KCNQ3: variants seen among roughly 807,000 people sequenced by gnomAD.
KCNQ3 encodes the protein potassium voltage-gated channel subfamily Q member 3.
A neutral mutation model predicts 92.5 loss-of-function variants in KCNQ3; 30 were observed. That is an observed-to-expected ratio of 0.32 (90% CI 0.24 to 0.44). The LOEUF is 0.44. Ranked by LOEUF, KCNQ3 falls within the 20% of genes least tolerant of loss-of-function variation. KCNQ3 has a pLI of 1.00. For synonymous variants in KCNQ3, 450 were observed against 468.8 expected (o/e 0.96, Z 0.52); for missense variants, 913 against 1,140.3 (o/e 0.80, Z 2.87).
At chr8:132,249,006 G>T (rs1815292399) in intron 1 of KCNQ3, among the ~76,000 whole-genome samples, 1 of 152,156 alleles carries the variant, frequency 6.6e-6, no homozygotes, top group African/African-American at 2.4e-5. Context: ...TCCGGAGTTT[G>T]TTCCTTCTGA....
chr8:132,280,209 G>A (rs61135443), intron 1 of KCNQ3, among the ~76,000 whole-genome samples: 2 of 152,146 alleles, frequency 1.3e-5, no homozygotes, highest in Non-Finnish European at 2.9e-5. Context: ...ATTGAAGGGG[G>A]TTAGCTACTT....
intron 1 of KCNQ3, among the ~76,000 whole-genome samples, chr8:132,394,869 G>A (rs1171655064): frequency 6.6e-6 from 1 of 152,222 alleles, no homozygotes; most frequent in Middle Eastern, 3.2e-3. Flanking sequence ...TGGATATCCT[G>A]AGAAGATGAA....
intron 1 of KCNQ3, among the ~76,000 whole-genome samples, chr8:132,408,618 A>G (rs2130794234): frequency 6.6e-6 from 1 of 152,286 alleles, no homozygotes; most frequent in South Asian, 2.1e-4. Context: ...GGCCAAAAGG[A>G]TTTTGCAAAT....
At chr8:132,352,909 G>A (rs1307332043) in intron 1 of KCNQ3, among the ~76,000 whole-genome samples, 1 of 152,134 alleles carries the variant, frequency 6.6e-6, no homozygotes, top group Non-Finnish European at 1.5e-5. Flanking sequence ...GATGTCCCAG[G>A]AAGGCTGGTT....
intron 1 of KCNQ3, among the ~76,000 whole-genome samples, chr8:132,238,935 A>G (rs1045946855): frequency 5.3e-5 from 8 of 152,242 alleles, no homozygotes; most frequent in Admixed American, 5.2e-4. Context: ...CTGTAAGTGT[A>G]AACAACCGTG....
Position 132,276,560 on chromosome 8 carries a change from A to G in KCNQ3, c.387-90379T>C, listed in dbSNP as rs139516674. Among the ~76,000 whole-genome samples the G allele has an allele frequency of 5.2e-3, 791 of 152,300 alleles. 20 individuals carry two copies. Among genetic ancestry groups the G allele is most frequent in the Admixed American group, 0.036 (558 of 15,296 alleles). Reference sequence around the variant, plus strand: ...AAGGCAGCCCATTCTAATTCCAGGCAGCGATGGGTATTTAAAACTACTTCC... The same window carrying G: ...AAGGCAGCCCATTCTAATTCCAGGCGGCGATGGGTATTTAAAACTACTTCC... On this transcript the variant is annotated intron_variant, in intron 1 of 14. Transcript: ENST00000388996.
In KCNQ3 at chr8:132,133,354, C is replaced by T. The variant is rs866509724; in HGVS notation, c.1799+936G>A. On this transcript the variant is annotated intron_variant, in intron 13 of 14. Coordinates refer to ENST00000388996, the MANE Select transcript of KCNQ3 (RefSeq NM_004519.4). ...TATCATCACGTTAATGCTCTCGATTCTTTTTTTTTTTTTTTTTTTTGAGAT... is the reference window on the plus strand; with the variant it reads ...TATCATCACGTTAATGCTCTCGATTTTTTTTTTTTTTTTTTTTTTTGAGAT... 5.9e-4 allele frequency among the ~76,000 whole-genome samples: 61 copies of T among 103,432 alleles called. 1 individual carries two copies. The highest frequency in any genetic ancestry group is 2.0e-3 in the South Asian group (6 of 2,944). 67.9% of individuals were successfully genotyped at this position (103,432 alleles called of 152,430 possible).
At chr8:132,168,581 A>G (rs1826207781) in intron 8 of KCNQ3, among the ~76,000 whole-genome samples, 1 of 152,118 alleles carries the variant, frequency 6.6e-6, no homozygotes. Context: ...CCTGGAGGTC[A>G]TGGTCAGGTT....
At chr8:132,296,598 T>A (rs1041617844) in intron 1 of KCNQ3, among the ~76,000 whole-genome samples, 1 of 152,002 alleles carries the variant, frequency 6.6e-6, no homozygotes, top group Admixed American at 6.6e-5. Context: ...GTCCATGTGT[T>A]CCCATTGTTC....
chr8:132,150,568 T>C (rs1176356109), intron 9 of KCNQ3, among the ~76,000 whole-genome samples: 1 of 152,190 alleles, frequency 6.6e-6, no homozygotes, highest in African/African-American at 2.4e-5. Context: ...CAAGTTATAG[T>C]TATATTTACA....
chr8:132,241,511 T>C (rs965282743), intron 1 of KCNQ3, among the ~76,000 whole-genome samples: 5 of 152,078 alleles, frequency 3.3e-5, no homozygotes, highest in African/African-American at 9.7e-5. Flanking sequence ...ACAGTTATTA[T>C]TATCTATTGC....
In KCNQ3 at chr8:132,129,543, G is replaced by A. The variant is rs138852641; in HGVS notation, c.2338C>T (p.Arg780Cys). Residue 780 changes from arginine to cysteine, a missense_variant, in exon 15 of 15, where the codon CGT (arginine) becomes TGT (cysteine). Around this residue, in one of 6 missense-constraint regions of KCNQ3, gnomAD observed 375 missense variants for 376.4 expected, o/e 1.00. Transcript: ENST00000388996. This position sits in a 1 kb window ranked among gnomAD's most constrained non-coding sequence, Gnocchi z 5.9. ...YSDRISPRQR[R>C]SITRDSDTPL... The stretch of plus-strand genomic sequence containing the variant: ...GTGTCACTGTCTCGCGTGATGCTAC[G>A]TCTCTGCCGGGGGGAGATTCGGTCC... The A allele has an allele frequency of 8.5e-5, 138 of 1,614,206 alleles. No individual in the cohort carries two copies. Among genetic ancestry groups the A allele is most frequent in the Middle Eastern group, 1.6e-4 (1 of 6,062 alleles).
chr8:132,166,758 A>T (rs1205970189), intron 8 of KCNQ3, among the ~76,000 whole-genome samples: 1 of 152,218 alleles, frequency 6.6e-6, no homozygotes, highest in Non-Finnish European at 1.5e-5. Flanking sequence ...CAAATTAACA[A>T]AGAACTACAC....
At chr8:132,262,848 C>T (rs1815834686) in intron 1 of KCNQ3, among the ~76,000 whole-genome samples, 1 of 152,134 alleles carries the variant, frequency 6.6e-6, no homozygotes, top group Non-Finnish European at 1.5e-5. Context: ...AACTGAAACA[C>T]CGCCACTCAC....
intron 9 of KCNQ3, among the ~76,000 whole-genome samples, chr8:132,159,011 G>A: frequency 6.6e-6 from 1 of 152,088 alleles, no homozygotes; most frequent in East Asian, 1.9e-4. Context: ...TGAACCACTG[G>A]GCTCAGGCAA....
intron 1 of KCNQ3, among the ~76,000 whole-genome samples, chr8:132,368,541 T>A (rs1468325364): frequency 6.6e-6 from 1 of 151,820 alleles, no homozygotes; most frequent in African/African-American, 2.4e-5. Context: ...TAGTCCCAGC[T>A]ACTCAGGAGG....
intron 1 of KCNQ3, among the ~76,000 whole-genome samples, chr8:132,199,063 C>T (rs541762293): frequency 3.9e-4 from 60 of 152,178 alleles, no homozygotes; most frequent in Non-Finnish European, 6.8e-4. Context: ...ACAACATGAA[C>T]CACTTGCAAA....
At chr8:132,152,842 G>A in intron 9 of KCNQ3, among the ~76,000 whole-genome samples, 1 of 151,990 alleles carries the variant, frequency 6.6e-6, no homozygotes, top group East Asian at 1.9e-4. Flanking sequence ...GATTCCTTGT[G>A]GGACAGAGTT....
In KCNQ3 at chr8:132,123,486, C is replaced by T. The variant is rs1824559908; in HGVS notation, c.*5776G>A. ...CTTATTCCAGAGAAGGGAAGAAGTC[C>T]CCAAAGGTATGTCCGGTTTAACAGT... On this transcript the variant is annotated 3_prime_UTR_variant, in exon 15 of 15. Coordinates refer to ENST00000388996, the MANE Select transcript of KCNQ3 (RefSeq NM_004519.4). 1 of 152,166 alleles carries T rather than the reference C, an allele frequency of 6.6e-6. No individual in the cohort carries two copies. Among genetic ancestry groups the T allele is most frequent in the Non-Finnish European group, 1.5e-5 (1 of 68,038 alleles). 9.4% of individuals were successfully genotyped at this position (152,166 alleles called of 1,614,324 possible). A position where few individuals can be genotyped will look rare whatever the true frequency, so the allele number is the denominator to read the frequency against.
Sources: gnomAD v4.1 joint callset for allele counts (sites outside exome capture counted in the v4.1 genomes callset) on GRCh38, gnomAD v4.1.1 for gene constraint, gnomAD v4.1.1 regional missense constraint, Gnocchi (gnomAD v3.1) non-coding constraint, MANE v1.5 for transcripts, NCBI Gene and HGNC (gene_info 2026-07-23, HGNC 2026-07-21) for gene names.